The following CPPED1 variants were observed in gnomAD, a reference collection of about 807,000 sequenced individuals.
CPPED1 encodes the protein calcineurin like phosphoesterase domain containing 1.
In CPPED1, 28 loss-of-function variants were observed where a neutral mutation model predicts 28.0. The ratio of observed to expected loss-of-function variants is 1.00; its 90% CI spans 0.74 to 1.37. The LOEUF is 1.37. Among genes scored for constraint, CPPED1 ranks in the 40% most tolerant of loss-of-function variants. The probability of loss-of-function intolerance (pLI) is 0.00; values close to 1 mark genes in which losing one functional copy is unlikely to be tolerated. For missense variants in CPPED1, 504 were observed against 416.5 expected, an observed-to-expected ratio of 1.21 and a Z score of -1.83; for synonymous variants, 198 against 180.2, an observed-to-expected ratio of 1.10 and a Z score of -0.79.
intron 2 of CPPED1, among the ~76,000 whole-genome samples, chr16:12,747,733 T>A (rs760659783): frequency 1.1e-4 from 17 of 152,152 alleles, no homozygotes; most frequent in Non-Finnish European, 2.4e-4. Flanking sequence ...GAGGAAACTT[T>A]GGGCGTGACA....
chr16:12,748,056 A>G (rs567321112), intron 2 of CPPED1, among the ~76,000 whole-genome samples: 6 of 152,334 alleles, frequency 3.9e-5, no homozygotes, highest in African/African-American at 1.2e-4. Flanking sequence ...TGCTATGCGT[A>G]TAAATTAACA....
chr16:12,691,825 G>A (rs1451514501), intron 3 of CPPED1, among the ~76,000 whole-genome samples: 2 of 71,988 alleles, frequency 2.8e-5, no homozygotes, highest in African/African-American at 2.9e-4. Context: ...GGTGGGGGGA[G>A]GGGGGGAGGG....
intron 2 of CPPED1, among the ~76,000 whole-genome samples, chr16:12,728,365 T>C (rs895553637): frequency 6.6e-6 from 1 of 152,004 alleles, no homozygotes; most frequent in African/African-American, 2.4e-5. Context: ...AGAAATAAAA[T>C]ATACTGAATT....
intron 3 of CPPED1, among the ~76,000 whole-genome samples, chr16:12,699,703 T>TC (rs1195043575): frequency 6.6e-6 from 1 of 152,144 alleles, no homozygotes; most frequent in Non-Finnish European, 1.5e-5. Context: ...TACCCTGATA[T>TC]TCTGATGAGC....
chr16:12,768,662 T>C (rs1046334468), intron 2 of CPPED1, among the ~76,000 whole-genome samples: 4 of 152,182 alleles, frequency 2.6e-5, no homozygotes, highest in Admixed American at 6.5e-5. Flanking sequence ...CCTGTGAACT[T>C]CGATGGGAGG....
intron 3 of CPPED1, among the ~76,000 whole-genome samples, chr16:12,675,941 A>G (rs1363633718): frequency 6.6e-6 from 1 of 152,212 alleles, no homozygotes; most frequent in Non-Finnish European, 1.5e-5. Context: ...AGGCTTTGAG[A>G]TAAGAGATTC....
rs555464298 is a variant in CPPED1, at chr16:12,709,797, G to A, written c.290-4748C>T. The stretch of plus-strand genomic sequence containing the variant: ...TCCTCCAAGATCAGGAACAAGACAA[G>A]GAAGTCTGCTCTCACACTCTCACTG... On this transcript the variant is annotated intron_variant, in intron 2 of 3. Transcript: ENST00000381774. This position sits in a 1 kb window ranked among gnomAD's most constrained non-coding sequence, Gnocchi z 4.4. Among the ~76,000 whole-genome samples, 3 of 152,160 alleles carry A rather than the reference G, an allele frequency of 2.0e-5. No homozygotes were observed. Among genetic ancestry groups the A allele is most frequent in the Admixed American group, 2.0e-4 (3 of 15,278 alleles).
At chr16:12,730,789 C>G (rs957832676) in intron 2 of CPPED1, among the ~76,000 whole-genome samples, 1 of 152,152 alleles carries the variant, frequency 6.6e-6, no homozygotes, top group Non-Finnish European at 1.5e-5. Context: ...AGAAGGCGCA[C>G]GAGGGAGCCT....
At chr16:12,776,035 A>C (rs2080495574) in intron 2 of CPPED1, among the ~76,000 whole-genome samples, 2 of 152,226 alleles carry the variant, frequency 1.3e-5, no homozygotes, top group South Asian at 4.1e-4. Flanking sequence ...GGGAATCTGC[A>C]GATGGGATTA....
chr16:12,755,362 G>C (rs2080359292), intron 2 of CPPED1, among the ~76,000 whole-genome samples: 1 of 148,220 alleles, frequency 6.7e-6, no homozygotes, highest in Non-Finnish European at 1.5e-5. Flanking sequence ...GCTCACTGCA[G>C]CCTTGACCTC....
chr16:12,728,265 A>G (rs2080179661), intron 2 of CPPED1, among the ~76,000 whole-genome samples: 1 of 152,218 alleles, frequency 6.6e-6, no homozygotes, highest in South Asian at 2.1e-4. Flanking sequence ...ACGTACAGTA[A>G]TAAGCATATT....
chr16:12,746,178 C>G (rs1223179026), intron 2 of CPPED1, among the ~76,000 whole-genome samples: 1 of 151,986 alleles, frequency 6.6e-6, no homozygotes, highest in Non-Finnish European at 1.5e-5. Flanking sequence ...AGTTCGAGAC[C>G]AGCCTGGCCA....
chr16:12,802,162 G>C (rs1289026900), intron 1 of CPPED1, among the ~76,000 whole-genome samples: 1 of 152,184 alleles, frequency 6.6e-6, no homozygotes, highest in Non-Finnish European at 1.5e-5. Flanking sequence ...GTGGGGAAGG[G>C]AGAAAGGTTT....
intron 2 of CPPED1, among the ~76,000 whole-genome samples, chr16:12,756,420 T>C (rs1169566624): frequency 6.6e-6 from 1 of 152,112 alleles, no homozygotes; most frequent in Non-Finnish European, 1.5e-5. Flanking sequence ...GTGAGCCAGG[T>C]GCGGTGGCTC....
intron 2 of CPPED1, among the ~76,000 whole-genome samples, chr16:12,756,088 G>A (rs901596316): frequency 3.3e-5 from 5 of 150,028 alleles, no homozygotes; most frequent in Non-Finnish European, 7.4e-5. Flanking sequence ...CCAAGATCGC[G>A]CTACTGCACT....
chr16:12,682,959 GT>G lies in CPPED1; in HGVS notation c.716-17845del, dbSNP rs2079913449. On this transcript the variant is annotated intron_variant, in intron 3 of 3. Transcript: ENST00000381774. The surrounding 1 kb of genome is among the most constrained non-coding windows in gnomAD (Gnocchi z 6.1). The stretch of plus-strand genomic sequence containing the variant: ...GGACAAGAGGCTCATTAAAAAGATT[GT>G]TTTGACTGACAGAATGTTCGTGTAT... 6.6e-6 allele frequency among the ~76,000 whole-genome samples: 1 copy of G among 152,182 alleles called. No homozygotes were observed.
Position 12,660,693 on chromosome 16 carries a change from T to C in CPPED1, c.*4193A>G, listed in dbSNP as rs2141159870. On this transcript the variant is annotated 3_prime_UTR_variant, in exon 4 of 4. Coordinates refer to ENST00000381774, the MANE Select transcript of CPPED1 (RefSeq NM_018340.3). Reference sequence around the variant, plus strand: ...TCCCTGATGTCTATTACAGAAAGCTTTTAACAGAACTTGCCTTGGCAATTT... The same window carrying C: ...TCCCTGATGTCTATTACAGAAAGCTCTTAACAGAACTTGCCTTGGCAATTT... The C allele has an allele frequency of 6.6e-6, 1 of 152,352 alleles. No homozygotes were observed. The highest frequency in any genetic ancestry group is 6.5e-5 in the Admixed American group (1 of 15,300). 9.4% of individuals were successfully genotyped at this position (152,352 alleles called of 1,614,324 possible).
At chr16:12,703,955 A>G (rs74648133) in intron 3 of CPPED1, among the ~76,000 whole-genome samples, 2 of 152,156 alleles carry the variant, frequency 1.3e-5, no homozygotes, top group Admixed American at 6.5e-5. Context: ...TGTCTGTCAC[A>G]TATATCACTG....
At position 12,781,207 on chromosome 16, in the gene CPPED1, G is replaced by A. The variant is rs764661639; in HGVS notation, c.267C>T (p.Gly89=). Residue 89 remains glycine, a synonymous_variant, in exon 2 of 4, where the codon GGC becomes GGT. Coordinates refer to ENST00000381774, the MANE Select transcript of CPPED1 (RefSeq NM_018340.3). The stretch of plus-strand genomic sequence containing the variant: ...TACCTGGCATGGCGTGGATGAGGTC[G>A]CCGCACAGAACGAAGAATTTGGGTT... ...NPKPKFFVLC[G]DLIHAMPGKP... is the part of the protein sequence containing the mutation. The A allele has an allele frequency of 1.2e-5, 20 of 1,613,326 alleles. No homozygotes were observed. Among genetic ancestry groups the A allele is most frequent in the Admixed American group, 8.3e-5 (5 of 59,894 alleles).
Sources: gnomAD v4.1 joint callset for allele counts (sites outside exome capture counted in the v4.1 genomes callset) on GRCh38, gnomAD v4.1.1 for gene constraint, Gnocchi (gnomAD v3.1) non-coding constraint, MANE v1.5 for transcripts, NCBI Gene and HGNC (gene_info 2026-07-23, HGNC 2026-07-21) for gene names.